PDE7A: variants seen among roughly 807,000 people sequenced by gnomAD.
PDE7A encodes the protein high affinity 3',5'-cyclic-AMP phosphodiesterase 7A.
In PDE7A, 39 loss-of-function variants were observed where a neutral mutation model predicts 64.3. The observed-to-expected ratio is 0.61, with a 90% confidence interval of 0.47 to 0.79. The LOEUF is 0.79. Among genes scored for constraint, PDE7A ranks in the 30% least tolerant of loss-of-function variants. The pLI is 0.00. For synonymous variants in PDE7A, 203 were observed against 206.8 expected (o/e 0.98, Z 0.16); for missense variants, 470 against 582.8 (o/e 0.81, Z 1.99).
At chr8:65,806,709 G>C (rs1810123953) in intron 1 of PDE7A, among the ~76,000 whole-genome samples, 1 of 152,170 alleles carries the variant, frequency 6.6e-6, no homozygotes, top group South Asian at 2.1e-4. Context: ...GCTCTGCGCT[G>C]GCCTTCATCC....
chr8:65,815,392 T>A (rs1488895843), intron 1 of PDE7A, among the ~76,000 whole-genome samples: 1 of 152,210 alleles, frequency 6.6e-6, no homozygotes, highest in Non-Finnish European at 1.5e-5. Flanking sequence ...TTTGTTTACC[T>A]TTTTACACTT....
intron 1 of PDE7A, among the ~76,000 whole-genome samples, chr8:65,808,610 T>A (rs1005175336): frequency 6.6e-6 from 1 of 152,202 alleles, no homozygotes. Flanking sequence ...ACATTACAGA[T>A]GATTCTTATT....
intron 1 of PDE7A, among the ~76,000 whole-genome samples, chr8:65,812,843 G>T (rs1041048943): frequency 6.6e-6 from 1 of 152,128 alleles, no homozygotes; most frequent in Admixed American, 6.5e-5. Context: ...GCAAGGATTC[G>T]AAAGACTGAT....
chr8:65,831,325 GAAGA>G (rs1196265475), intron 1 of PDE7A, among the ~76,000 whole-genome samples: 2 of 152,020 alleles, frequency 1.3e-5, no homozygotes, highest in Admixed American at 1.3e-4. Flanking sequence ...GTTTTTGAAA[GAAGA>G]AAGAAAAACA....
rs961798564 is a variant in PDE7A, at chr8:65,716,950, CTGAGA to C, written c.*2335_*2339del. ...CTAGCCACATGTGGATATTGGGTGC[CTGAGA>C]TATGACTAGTCCAAATTGAGATGTG... On this transcript the variant is annotated 3_prime_UTR_variant, in exon 13 of 13. Coordinates refer to ENST00000401827, the MANE Select transcript of PDE7A (RefSeq NM_001242318.3). Among the ~76,000 whole-genome samples the C allele has an allele frequency of 6.6e-6, 1 of 152,098 alleles. No homozygotes were observed. The highest frequency in any genetic ancestry group is 2.4e-5 in the African/African-American group (1 of 41,408).
At chr8:65,754,912 C>T (rs1350331646) in intron 3 of PDE7A, among the ~76,000 whole-genome samples, 1 of 149,942 alleles carries the variant, frequency 6.7e-6, no homozygotes, top group Admixed American at 6.6e-5. Flanking sequence ...TTGCAGTGAG[C>T]CGAGATCGCG....
At chr8:65,735,543 T>C (rs1807094330) in intron 6 of PDE7A, among the ~76,000 whole-genome samples, 1 of 152,178 alleles carries the variant, frequency 6.6e-6, no homozygotes, top group Admixed American at 6.5e-5. Context: ...ACCCCTGGGC[T>C]CAAGGAGTCC....
At chr8:65,740,226 T>C (rs985413429) in intron 5 of PDE7A, among the ~76,000 whole-genome samples, 4 of 152,124 alleles carry the variant, frequency 2.6e-5, no homozygotes, top group African/African-American at 9.7e-5. Flanking sequence ...AAACTCGTAG[T>C]CAACACTGCC....
intron 1 of PDE7A, among the ~76,000 whole-genome samples, chr8:65,818,041 C>G (rs1291621301): frequency 6.6e-6 from 1 of 152,136 alleles, no homozygotes; most frequent in Admixed American, 6.5e-5. Flanking sequence ...CATGAGCCAC[C>G]ACACCCAGCC....
At chr8:65,835,772 C>G (rs1810936199) in intron 1 of PDE7A, among the ~76,000 whole-genome samples, 2 of 152,158 alleles carry the variant, frequency 1.3e-5, no homozygotes, top group Admixed American at 6.5e-5. Flanking sequence ...CCTGGGTAGA[C>G]AGCATGTACA....
chr8:65,827,920 A>G (rs143399011), intron 1 of PDE7A, among the ~76,000 whole-genome samples: 226 of 152,262 alleles, frequency 1.5e-3, no homozygotes, highest in African/African-American at 5.0e-3. Flanking sequence ...TTAACAGACT[A>G]TACCTCTGAA....
At chr8:65,840,337 C>T (rs974211758) in intron 1 of PDE7A, among the ~76,000 whole-genome samples, 1 of 151,850 alleles carries the variant, frequency 6.6e-6, no homozygotes, top group Non-Finnish European at 1.5e-5. Flanking sequence ...AAGTAAATGA[C>T]AAATATTTAC....
intron 3 of PDE7A, among the ~76,000 whole-genome samples, chr8:65,776,709 G>C (rs1224356781): frequency 2.0e-5 from 3 of 152,030 alleles, no homozygotes; most frequent in Admixed American, 1.3e-4. Context: ...TTACTTTACA[G>C]AACTCCCACT....
intron 1 of PDE7A, among the ~76,000 whole-genome samples, chr8:65,793,475 A>T (rs1246286828): frequency 1.6e-5 from 2 of 124,296 alleles, no homozygotes; most frequent in Non-Finnish European, 3.2e-5. Context: ...ATAAGTTTTT[A>T]AAGTTTCCTA....
At chr8:65,826,857 C>T (rs189613544) in intron 1 of PDE7A, among the ~76,000 whole-genome samples, 1 of 152,208 alleles carries the variant, frequency 6.6e-6, no homozygotes, top group African/African-American at 2.4e-5. Context: ...GAGAATCGTC[C>T]TTGCCCCTTT....
chr8:65,816,811 C>T (rs910429152), intron 1 of PDE7A, among the ~76,000 whole-genome samples: 2 of 152,178 alleles, frequency 1.3e-5, no homozygotes, highest in Non-Finnish European at 2.9e-5. Context: ...TATGTCTAGG[C>T]ATGGGTCTCT....
chr8:65,724,198 C>T lies in PDE7A; in HGVS notation c.1162+57G>A, dbSNP rs547736625. 2.4e-5 allele frequency: 26 copies of T among 1,063,792 alleles called. No homozygotes were observed. In the African/African-American group the frequency reaches 2.8e-4, roughly 11 times the overall value. The allele number at this position is 1,063,792 out of a possible 1,614,324, so 65.9% of individuals were successfully genotyped here. ...AAATTATTGAGTTATTTTATTCTTA[C>T]GATGTTAAAAAAAAATGAACTGGAT... On this transcript the variant is annotated intron_variant, in intron 11 of 12. Transcript: ENST00000401827.
intron 1 of PDE7A, among the ~76,000 whole-genome samples, chr8:65,783,331 C>A (rs1809467278): frequency 1.3e-5 from 2 of 152,184 alleles, no homozygotes; most frequent in African/African-American, 4.8e-5. Context: ...TGGGGCTCCC[C>A]AAACGTTACT....
At chr8:65,725,579 A>T (rs1419264064) in intron 9 of PDE7A, 1 of 152,878 alleles carries the variant, frequency 6.5e-6, no homozygotes, top group African/African-American at 2.4e-5. Flanking sequence ...TCAATTAACA[A>T]GATAAACATA....
Sources: allele counts gnomAD v4.1 joint callset (sites outside exome capture counted in the v4.1 genomes callset), GRCh38; gene constraint gnomAD v4.1.1; transcripts MANE v1.5; gene names NCBI Gene and HGNC (gene_info 2026-07-23, HGNC 2026-07-21).